Variants in MACC1 observed in about 807,000 individuals in gnomAD.
The protein encoded by MACC1 is metastasis-associated in colon cancer protein 1.
Under a neutral mutation model 70.7 loss-of-function variants are expected in MACC1, and 79 were observed. That is an observed-to-expected ratio of 1.12 (90% CI 0.93 to 1.35). The LOEUF is 1.35. Among genes scored for constraint, MACC1 ranks in the 40% most tolerant of loss-of-function variants. MACC1 has a pLI of 0.00. For missense variants in MACC1, 1,106 were observed against 978.1 expected, an observed-to-expected ratio of 1.13 and a Z score of -1.74; for synonymous variants, 361 against 347.2, an observed-to-expected ratio of 1.04 and a Z score of -0.44.
In MACC1 at chr7:20,159,579, A is replaced by C. The variant is rs757920191; in HGVS notation, c.782T>G (p.Leu261Arg). The change falls in exon 5 of 7, where the codon CTT (leucine) becomes CGT (arginine). Residue 261 changes from leucine to arginine, a missense_variant. Coordinates refer to ENST00000400331, the MANE Select transcript of MACC1 (RefSeq NM_182762.4). Reference sequence around the variant, plus strand: ...CACAGTGCACGAAAGATCATGGTTAAGCATGTGTGGCGGATCAAGGAAAGC... The same window carrying C: ...CACAGTGCACGAAAGATCATGGTTACGCATGTGTGGCGGATCAAGGAAAGC... ...LRAFLDPPHM[L>R]NHDLSCTVSP... 11 of 1,614,164 alleles carry C rather than the reference A, an allele frequency of 6.8e-6. No homozygotes were observed. In the East Asian group the frequency reaches 2.5e-4, roughly 36 times the overall value.
chr7:20,155,367 T>G (rs1188110987), intron 5 of MACC1, among the ~76,000 whole-genome samples: 2 of 152,208 alleles, frequency 1.3e-5, no homozygotes, highest in East Asian at 3.8e-4. Flanking sequence ...AAAGTTTAAT[T>G]TATAAATTAG....
chr7:20,183,156 G>T (rs1302996212), intron 1 of MACC1, among the ~76,000 whole-genome samples: 1 of 152,164 alleles, frequency 6.6e-6, no homozygotes, highest in Non-Finnish European at 1.5e-5. Context: ...AATGAAGTAG[G>T]CCCTTTAAAA....
At chr7:20,156,766 T>C (rs1448200355) in intron 5 of MACC1, among the ~76,000 whole-genome samples, 1 of 152,204 alleles carries the variant, frequency 6.6e-6, no homozygotes, top group Non-Finnish European at 1.5e-5. Context: ...GATAATGTTA[T>C]ATATATTTAT....
At chr7:20,203,945 A>C (rs6975668) in intron 1 of MACC1, among the ~76,000 whole-genome samples, 6,096 of 152,288 alleles carry the variant, frequency 0.04, 432 homozygotes, top group African/African-American at 0.14. Flanking sequence ...GCTCATCACT[A>C]AAATATATTA....
chr7:20,174,167 T>C (rs1174043284), intron 1 of MACC1, among the ~76,000 whole-genome samples: 1 of 152,170 alleles, frequency 6.6e-6, no homozygotes, highest in Non-Finnish European at 1.5e-5. Context: ...AATATTGGTG[T>C]AATTATTAAA....
At position 20,134,982 on chromosome 7, in the gene MACC1, G is replaced by A. The variant is rs1004652470; in HGVS notation, c.*5964C>T. 3 of 152,130 alleles carry A rather than the reference G, an allele frequency of 2.0e-5. No individual in the cohort carries two copies. The highest frequency in any genetic ancestry group is 2.9e-5 in the Non-Finnish European group (2 of 68,014). The allele number at this position is 152,130 out of a possible 1,614,324, so 9.4% of individuals were successfully genotyped here. On this transcript the variant is annotated 3_prime_UTR_variant, in exon 7 of 7. Transcript: ENST00000400331. ...AATATGATCCTTAGAAAGAACATCC[G>A]ATCACCTTATTAACACTTTCTAATT...
chr7:20,186,709 T>C (rs546370133), intron 1 of MACC1, among the ~76,000 whole-genome samples: 1 of 152,168 alleles, frequency 6.6e-6, no homozygotes, highest in African/African-American at 2.4e-5. Flanking sequence ...CCTTAGGGAA[T>C]ATAAATAACA....
intron 1 of MACC1, among the ~76,000 whole-genome samples, chr7:20,206,250 A>G (rs28715043): frequency 0.087 from 13,244 of 151,828 alleles, 663 homozygotes; most frequent in Non-Finnish European, 0.11. Flanking sequence ...CATAGTGAGG[A>G]CAGTCATCTT....
intron 6 of MACC1, among the ~76,000 whole-genome samples, chr7:20,144,858 A>G (rs1390001806): frequency 2.6e-5 from 4 of 152,230 alleles, no homozygotes; most frequent in Non-Finnish European, 5.9e-5. Context: ...AACTAAGTCA[A>G]TTATTAGTGG....
chr7:20,212,858 C>G (rs1783018442), intron 1 of MACC1, among the ~76,000 whole-genome samples: 1 of 152,090 alleles, frequency 6.6e-6, no homozygotes, highest in African/African-American at 2.4e-5. Flanking sequence ...TCTGGGAGTT[C>G]TGGCCCAGGG....
intron 2 of MACC1, among the ~76,000 whole-genome samples, chr7:20,168,076 G>T (rs764118294): frequency 9.2e-5 from 14 of 152,192 alleles, no homozygotes. Context: ...AAGCTGCAGA[G>T]AGGTTGATAG....
chr7:20,198,763 T>C (rs1288111407), intron 1 of MACC1: 1 of 152,182 alleles, frequency 6.6e-6, no homozygotes, highest in Non-Finnish European at 1.5e-5. Context: ...ATAAATCCCA[T>C]GCACCACAAG....
intron 6 of MACC1, among the ~76,000 whole-genome samples, chr7:20,146,090 G>A (rs1206021865): frequency 6.6e-6 from 1 of 151,570 alleles, no homozygotes; most frequent in Non-Finnish European, 1.5e-5. Context: ...GAACCCAGGT[G>A]GCAGAGGTTG....
At chr7:20,214,830 G>A (rs145920991) in intron 1 of MACC1, among the ~76,000 whole-genome samples, 7 of 152,166 alleles carry the variant, frequency 4.6e-5, no homozygotes, top group South Asian at 4.1e-4. Context: ...ATATGTTTCC[G>A]AAAATCATTT....
At chr7:20,193,988 A>C (rs1303532500) in intron 1 of MACC1, among the ~76,000 whole-genome samples, 1 of 152,182 alleles carries the variant, frequency 6.6e-6, no homozygotes, top group Admixed American at 6.5e-5. Flanking sequence ...AGAAACAGCA[A>C]GATCTGGAAT....
intron 5 of MACC1, among the ~76,000 whole-genome samples, chr7:20,156,272 A>G (rs1388424566): frequency 1.3e-5 from 2 of 152,214 alleles, no homozygotes; most frequent in Admixed American, 6.5e-5. Context: ...TCAGAGAACC[A>G]GGCCTGAGCC....
chr7:20,215,177 T>G (rs1206546078), intron 1 of MACC1, among the ~76,000 whole-genome samples: 1 of 152,186 alleles, frequency 6.6e-6, no homozygotes, highest in Non-Finnish European at 1.5e-5. Flanking sequence ...AATCCCCTGA[T>G]ACTGAGCATC....
intron 1 of MACC1, among the ~76,000 whole-genome samples, chr7:20,189,004 C>A (rs1464041234): frequency 6.6e-6 from 1 of 152,254 alleles, no homozygotes; most frequent in South Asian, 2.1e-4. Context: ...GCTGCACTGG[C>A]CTTACCTTTC....
At chr7:20,164,127 G>A (rs1782177268) in intron 3 of MACC1, 129 bp downstream of exon 3, 1 of 152,254 alleles carries the variant, frequency 6.6e-6, no homozygotes, top group African/African-American at 2.4e-5. Flanking sequence ...AGTAGAGACA[G>A]GGTTTCACCA....
Sources: allele counts gnomAD v4.1 joint callset (sites outside exome capture counted in the v4.1 genomes callset), GRCh38; gene constraint gnomAD v4.1.1; transcripts MANE v1.5; gene names NCBI Gene and HGNC (gene_info 2026-07-23, HGNC 2026-07-21).